Variants in HPGDS observed in about 807,000 individuals in gnomAD.
HPGDS encodes GST class-sigma.
A neutral mutation model predicts 23.1 loss-of-function variants in HPGDS; 26 were observed. The observed-to-expected ratio is 1.13, with a 90% CI of 0.83 to 1.56. HPGDS has a LOEUF of 1.56. Ranked by LOEUF, HPGDS falls within the 40% of genes most tolerant of loss-of-function variation. HPGDS has a pLI of 0.00. For synonymous variants in HPGDS, 95 were observed against 77.9 expected, an observed-to-expected ratio of 1.22 and a Z score of -1.16; for missense variants, 268 against 236.4, an observed-to-expected ratio of 1.13 and a Z score of -0.88.
chr4:94,329,752 G>A (rs1008614379), intron 2 of HPGDS, among the ~76,000 whole-genome samples: 5 of 152,134 alleles, frequency 3.3e-5, no homozygotes, highest in African/African-American at 4.8e-5. Flanking sequence ...TGGAACACTG[G>A]GCTGCATCTA....
intron 3 of HPGDS, among the ~76,000 whole-genome samples, chr4:94,310,465 G>C (rs780740319): frequency 4.1e-4 from 62 of 152,146 alleles, no homozygotes; most frequent in Non-Finnish European, 6.3e-4. Context: ...ATTTCTGAGG[G>C]CTCTGTTCTG....
At chr4:94,314,866 C>T (rs775825829) in intron 3 of HPGDS, among the ~76,000 whole-genome samples, 10 of 152,190 alleles carry the variant, frequency 6.6e-5, no homozygotes, top group Admixed American at 1.3e-4. Flanking sequence ...GCCTCGCTGC[C>T]GCCTTGCAGT....
At chr4:94,299,704 C>T in intron 5 of HPGDS, 60 bp from the exon 6 acceptor site, 1 of 1,438,628 alleles carries the variant, frequency 7.0e-7, no homozygotes, top group Non-Finnish European at 9.5e-7. Context: ...TATCAGCATT[C>T]CAAAATTGAA....
At chr4:94,321,332 G>A (rs1756504875) in intron 2 of HPGDS, among the ~76,000 whole-genome samples, 1 of 152,168 alleles carries the variant, frequency 6.6e-6, no homozygotes, top group Non-Finnish European at 1.5e-5. Flanking sequence ...GGATGGCATT[G>A]AATCTATAAA....
At chr4:94,313,553 C>A (rs1339131320) in intron 3 of HPGDS, among the ~76,000 whole-genome samples, 1 of 152,204 alleles carries the variant, frequency 6.6e-6, no homozygotes, top group Admixed American at 6.5e-5. Flanking sequence ...CGACCTTTCT[C>A]TTTGGCTGCC....
chr4:94,326,288 T>C (rs1442358761), intron 2 of HPGDS, among the ~76,000 whole-genome samples: 1 of 152,188 alleles, frequency 6.6e-6, no homozygotes, highest in Admixed American at 6.5e-5. Flanking sequence ...GTTAATTGGT[T>C]TTCTATGCCT....
chr4:94,336,826 T>C (rs1721029980), intron 1 of HPGDS, among the ~76,000 whole-genome samples: 1 of 152,244 alleles, frequency 6.6e-6, no homozygotes, highest in Admixed American at 6.5e-5. Flanking sequence ...AGATTATTCT[T>C]ATCCAGGAAA....
At chr4:94,305,903 G>A (rs1389525463) in intron 4 of HPGDS, among the ~76,000 whole-genome samples, 2 of 152,070 alleles carry the variant, frequency 1.3e-5, no homozygotes, top group African/African-American at 4.8e-5. Context: ...TCACAGTTCT[G>A]TCAGTTGTGT....
At position 94,324,335 on chromosome 4, in the gene HPGDS, G is replaced by A. The variant is rs371312762; in HGVS notation, c.134-6370C>T. Among the ~76,000 whole-genome samples, 8 of 151,964 alleles carry A rather than the reference G, an allele frequency of 5.3e-5. No individual in the cohort carries two copies. The East Asian group carries it at 9.7e-4, about 18-fold the overall frequency. On this transcript the variant is annotated intron_variant, in intron 2 of 5. Transcript: ENST00000295256. ...TTGCTAGGTTGGGGAAGTTCTCCTG[G>A]ATAATATACTGGAGTGTTTTCCAGC...
intron 3 of HPGDS, among the ~76,000 whole-genome samples, chr4:94,316,615 TAAGCA>T: frequency 6.6e-6 from 1 of 152,360 alleles, no homozygotes; most frequent in Non-Finnish European, 1.5e-5. Flanking sequence ...TCTATCCTTC[TAAGCA>T]TTTCTCTAAT....
intron 2 of HPGDS, among the ~76,000 whole-genome samples, chr4:94,325,637 A>G (rs989527012): frequency 4.6e-5 from 7 of 152,152 alleles, no homozygotes; most frequent in Non-Finnish European, 1.0e-4. Flanking sequence ...AGACCATTGG[A>G]AAAATGCAGT....
chr4:94,326,453 C>T (rs1339657278), intron 2 of HPGDS, among the ~76,000 whole-genome samples: 2 of 151,874 alleles, frequency 1.3e-5, no homozygotes, highest in Admixed American at 6.6e-5. Flanking sequence ...TTCAAAAGAC[C>T]TGTCTTCAAG....
intron 2 of HPGDS, among the ~76,000 whole-genome samples, chr4:94,326,688 T>C (rs1376348541): frequency 6.6e-6 from 1 of 152,192 alleles, no homozygotes; most frequent in Non-Finnish European, 1.5e-5. Flanking sequence ...CAATTCTTTT[T>C]CAGGCATTTC....
intron 1 of HPGDS, among the ~76,000 whole-genome samples, chr4:94,341,316 C>T (rs1342113850): frequency 6.6e-6 from 1 of 152,150 alleles, no homozygotes; most frequent in African/African-American, 2.4e-5. Context: ...TATATTATTC[C>T]GTATACTGCT....
intron 1 of HPGDS, among the ~76,000 whole-genome samples, chr4:94,341,450 T>C (rs756987352): frequency 6.6e-6 from 1 of 152,200 alleles, no homozygotes; most frequent in Non-Finnish European, 1.5e-5. Flanking sequence ...ACTAAACATC[T>C]TAATAAAGAC....
intron 2 of HPGDS, among the ~76,000 whole-genome samples, chr4:94,326,606 T>A (rs149560999): frequency 0.013 from 1,924 of 152,272 alleles, 43 homozygotes; most frequent in African/African-American, 0.044. Flanking sequence ...ATTCAGATCA[T>A]TGTCTTCCTG....
intron 2 of HPGDS, chr4:94,334,201 C>A: frequency 4.6e-6 from 1 of 217,314 alleles, no homozygotes; most frequent in Non-Finnish European, 9.0e-6. Context: ...TTCAGCTATC[C>A]CAGTGACAAA....
At chr4:94,326,105 A>C (rs756387617) in intron 2 of HPGDS, among the ~76,000 whole-genome samples, 11 of 151,642 alleles carry the variant, frequency 7.3e-5, no homozygotes, top group Non-Finnish European at 1.5e-4. Flanking sequence ...CTTTTCTGTC[A>C]CTATTTTTGG....
chr4:94,324,561 G>T (rs1415314955), intron 2 of HPGDS, among the ~76,000 whole-genome samples: 1 of 152,074 alleles, frequency 6.6e-6, no homozygotes, highest in East Asian at 1.9e-4. Context: ...GGCTACTGAA[G>T]CTTGTGCACG....
Sources: allele counts gnomAD v4.1 joint callset (sites outside exome capture counted in the v4.1 genomes callset), GRCh38; gene constraint gnomAD v4.1.1; transcripts MANE v1.5; gene names NCBI Gene and HGNC (gene_info 2026-07-23, HGNC 2026-07-21).